POMT2: variants seen among roughly 807,000 people sequenced by gnomAD.
POMT2 encodes protein O-mannosyl-transferase 2.
A neutral mutation model predicts 100.0 loss-of-function variants in POMT2; 75 were observed. The observed-to-expected ratio is 0.75, with a 90% CI of 0.62 to 0.91. The LOEUF is 0.91. Among genes scored for constraint, POMT2 ranks in the 40% least tolerant of loss-of-function variants. POMT2 has a pLI of 0.00. For missense variants in POMT2, 940 were observed against 955.1 expected, an observed-to-expected ratio of 0.98 and a Z score of 0.21; for synonymous variants, 378 against 374.1, an observed-to-expected ratio of 1.01 and a Z score of -0.12.
At chr14:77,279,254 G>A in intron 18 of POMT2, 1 of 379,346 alleles carries the variant, frequency 2.6e-6, no homozygotes, top group South Asian at 2.1e-5. Flanking sequence ...GAGTGAGGAG[G>A]TGTCTGGGAC....
In POMT2 at chr14:77,300,922, C is replaced by T. The variant is rs1179803197; in HGVS notation, c.816+168G>A. 14 of 1,203,088 alleles carry T rather than the reference C, an allele frequency of 1.2e-5. No individual in the cohort carries two copies. The Admixed American group carries it at 2.0e-4, about 17-fold the overall frequency. 74.5% of individuals were successfully genotyped at this position (1,203,088 alleles called of 1,614,324 possible). The stretch of plus-strand genomic sequence containing the variant: ...GAACCCTATCCAGTCCTCAGCCGGG[C>T]CCACTCCCTGATGTCCTGCTGTCTG... On this transcript the variant is annotated intron_variant, in intron 6 of 20. Transcript: ENST00000261534.
In POMT2 at chr14:77,290,364, A is replaced by G. The variant is rs374950092; in HGVS notation, c.1183+950T>C. Among the ~76,000 whole-genome samples, 4 of 152,200 alleles carry G rather than the reference A, an allele frequency of 2.6e-5. No homozygotes were observed. In the East Asian group the frequency reaches 5.8e-4, roughly 22 times the overall value. ...AAAGTATAGAAACAGACTCTGCCCAATGGTGTCGTAATTTATCCCACTAAG... is the reference window on the plus strand; with the variant it reads ...AAAGTATAGAAACAGACTCTGCCCAGTGGTGTCGTAATTTATCCCACTAAG... On this transcript the variant is annotated intron_variant, in intron 10 of 20. Transcript: ENST00000261534.
At chr14:77,282,120 G>A (rs550980762) in intron 15 of POMT2, among the ~76,000 whole-genome samples, 1 of 152,326 alleles carries the variant, frequency 6.6e-6, no homozygotes, top group South Asian at 2.1e-4. Context: ...CAGTTGCTGA[G>A]GGAAACCAAT....
In POMT2 at chr14:77,296,197, G is replaced by C. The variant is rs1346436752; in HGVS notation, c.1083C>G (p.Leu361=). The C allele has an allele frequency of 1.9e-6, 3 of 1,608,516 alleles. No individual in the cohort carries two copies. The highest frequency in any genetic ancestry group is 1.3e-5 in the African/African-American group (1 of 74,894). The change falls in exon 9 of 21, where the codon CTC becomes CTG. Residue 361 remains leucine, a synonymous_variant. Transcript: ENST00000261534. ...GACGGGCACCAATGCCCTCGGGGTA[G>C]AGGTGCCTGTGGGAGTGCAGATAGC... ...AIGYLHSHRH[L]YPEGIGARQQ...
At chr14:77,320,303 G>T in intron 1 of POMT2, 131 bp downstream of exon 1, 11 of 1,481,644 alleles carry the variant, frequency 7.4e-6, no homozygotes, top group Admixed American at 2.0e-5. Context: ...CAACCCACCC[G>T]ATACCTCAAG....
chr14:77,278,889 C>A lies in POMT2; in HGVS notation c.1892-20G>T. Reference sequence around the variant, plus strand: ...ACAACCCTGGGCCCAAGCAGCACAGCCCAGTCAGAAGACAAGGAGCGGGCA... The same window carrying A: ...ACAACCCTGGGCCCAAGCAGCACAGACCAGTCAGAAGACAAGGAGCGGGCA... On this transcript the variant is annotated intron_variant, in intron 18 of 20. Transcript: ENST00000261534. 2 of 1,611,218 alleles carry A rather than the reference C, an allele frequency of 1.2e-6. No homozygotes were observed. The highest frequency in any genetic ancestry group is 1.7e-6 in the Non-Finnish European group (2 of 1,178,610).
At chr14:77,298,421 T>C (rs1169788600) in intron 8 of POMT2, among the ~76,000 whole-genome samples, 2 of 152,098 alleles carry the variant, frequency 1.3e-5, no homozygotes, top group Admixed American at 1.3e-4. Context: ...GTCACCATAT[T>C]CTCTCTGAGT....
chr14:77,313,585 T>A (rs1052741991), intron 1 of POMT2, among the ~76,000 whole-genome samples: 1 of 152,254 alleles, frequency 6.6e-6, no homozygotes, highest in African/African-American at 2.4e-5. Flanking sequence ...CTGTAGATTA[T>A]AAAGTACCAT....
At chr14:77,301,648 GT>G (rs1891047726) in intron 5 of POMT2, among the ~76,000 whole-genome samples, 1 of 152,164 alleles carries the variant, frequency 6.6e-6, no homozygotes, top group Admixed American at 6.5e-5. Flanking sequence ...CATTTACCGA[GT>G]GCTTACTATG....
chr14:77,307,490 G>T (rs140553161), intron 2 of POMT2, among the ~76,000 whole-genome samples: 108 of 152,296 alleles, frequency 7.1e-4, no homozygotes, highest in Non-Finnish European at 1.2e-3. Context: ...GTTCAGACAG[G>T]GTCATCCAAA....
chr14:77,276,018 AGAG>A lies in POMT2; in HGVS notation c.*1355_*1357del, dbSNP rs1268607250. On this transcript the variant is annotated 3_prime_UTR_variant, in exon 21 of 21. Transcript: ENST00000261534. Reference sequence around the variant, plus strand: ...CCCTGTCAGAGTTGTTGGGAGCTTCAGAGGAGGGAAAATGGAGTGTGGCGGATT... The same window carrying A: ...CCCTGTCAGAGTTGTTGGGAGCTTCAGAGGGAAAATGGAGTGTGGCGGATT... 1 of 152,536 alleles carries A rather than the reference AGAG, an allele frequency of 6.6e-6. No homozygotes were observed. The highest frequency in any genetic ancestry group is 2.1e-4 in the South Asian group (1 of 4,836). The allele number at this position is 152,536 out of a possible 1,614,324, so 9.4% of individuals were successfully genotyped here.
intron 5 of POMT2, among the ~76,000 whole-genome samples, chr14:77,302,282 C>G (rs1280211470): frequency 1.3e-5 from 2 of 152,186 alleles, no homozygotes; most frequent in African/African-American, 4.8e-5. Context: ...TAGAACTGAC[C>G]AGGACCTGGA....
At chr14:77,288,876 G>A (rs371622720) in intron 10 of POMT2, 45 bp from the exon 11 acceptor site, 3 of 1,554,294 alleles carry the variant, frequency 1.9e-6, no homozygotes, top group African/African-American at 1.4e-5. Context: ...CACTCACCAG[G>A]CTAGTATTAA....
intron 9 of POMT2, among the ~76,000 whole-genome samples, chr14:77,295,650 AAGAAG>A (rs1404122926): frequency 2.0e-5 from 3 of 151,222 alleles, no homozygotes; most frequent in Non-Finnish European, 2.9e-5. Context: ...AAAAAAAAAA[AAGAAG>A]AGGATACTGA....
chr14:77,296,312 A>C (rs767096035), intron 8 of POMT2, 39 bp from the exon 9 acceptor site: 1 of 1,433,558 alleles, frequency 7.0e-7, no homozygotes, highest in Non-Finnish European at 9.7e-7. Flanking sequence ...GAGCTGGCAC[A>C]GTGCCAGAGG....
chr14:77,315,359 C>T (rs937530516), intron 1 of POMT2, among the ~76,000 whole-genome samples: 1 of 152,208 alleles, frequency 6.6e-6, no homozygotes, highest in African/African-American at 2.4e-5. Flanking sequence ...CACTCTCCGA[C>T]TGGGAAATGG....
intron 1 of POMT2, among the ~76,000 whole-genome samples, chr14:77,318,192 T>A (rs1204399403): frequency 6.6e-6 from 1 of 152,154 alleles, no homozygotes; most frequent in African/African-American, 2.4e-5. Flanking sequence ...TTTGTCCCTA[T>A]CCAGCACCAA....
chr14:77,301,457 C>A (rs922724349), intron 5 of POMT2, among the ~76,000 whole-genome samples: 3 of 152,120 alleles, frequency 2.0e-5, no homozygotes, highest in Non-Finnish European at 4.4e-5. Context: ...TGTCTGAGGG[C>A]GCAGGGTATT....
intron 1 of POMT2, among the ~76,000 whole-genome samples, chr14:77,317,001 G>A (rs1891656408): frequency 6.6e-6 from 1 of 152,198 alleles, no homozygotes; most frequent in Non-Finnish European, 1.5e-5. Context: ...AGACTGACTG[G>A]AATCAAACTG....
Sources: gnomAD v4.1 joint callset for allele counts (sites outside exome capture counted in the v4.1 genomes callset) on GRCh38, gnomAD v4.1.1 for gene constraint, MANE v1.5 for transcripts, NCBI Gene and HGNC (gene_info 2026-07-23, HGNC 2026-07-21) for gene names.